Variants in GLCCI1 observed in about 807,000 individuals in gnomAD.
GLCCI1 encodes the protein glucocorticoid-induced transcript 1 protein.
In GLCCI1, 24 loss-of-function variants were observed where a neutral mutation model predicts 52.2. That is an observed-to-expected ratio of 0.46 (90% CI 0.33 to 0.65). The LOEUF (loss-of-function observed/expected upper bound fraction) is 0.65, where lower values mean the gene tolerates loss of function less well. Among genes scored for constraint, GLCCI1 ranks in the 30% least tolerant of loss-of-function variants. The pLI, the probability that GLCCI1 is intolerant of heterozygous loss-of-function variation, is 0.02. For synonymous variants in GLCCI1, 310 were observed against 276.5 expected (o/e 1.12, Z -1.20); for missense variants, 704 against 701.5 (o/e 1.00, Z -0.04).
chr7:7,987,798 G>C (rs777253113), intron 1 of GLCCI1, among the ~76,000 whole-genome samples: 2 of 152,038 alleles, frequency 1.3e-5, no homozygotes, highest in African/African-American at 2.4e-5. Flanking sequence ...GGGTTCCACT[G>C]TGTTGTTCAG....
At chr7:7,981,514 G>T (rs1780620048) in intron 1 of GLCCI1, 3 of 192,346 alleles carry the variant, frequency 1.6e-5, no homozygotes, top group African/African-American at 4.8e-5. Flanking sequence ...GTAAAGACAG[G>T]GTTTTGCCAT....
chr7:8,029,806 T>C (rs1781705983), intron 3 of GLCCI1, among the ~76,000 whole-genome samples: 1 of 152,126 alleles, frequency 6.6e-6, no homozygotes, highest in Non-Finnish European at 1.5e-5. Flanking sequence ...CCATTTACAA[T>C]AGACACAAAT....
intron 1 of GLCCI1, among the ~76,000 whole-genome samples, chr7:7,991,398 A>G (rs550683299): frequency 6.6e-6 from 1 of 152,210 alleles, no homozygotes; most frequent in South Asian, 2.1e-4. Context: ...AGGAAATAAG[A>G]ATGCAGATAA....
At chr7:8,029,036 G>C (rs1213781966) in intron 3 of GLCCI1, among the ~76,000 whole-genome samples, 1 of 152,048 alleles carries the variant, frequency 6.6e-6, no homozygotes, top group African/African-American at 2.4e-5. Context: ...AGAACACCTA[G>C]TACCAATCCT....
chr7:8,005,437 A>T (rs1328037844), intron 2 of GLCCI1, among the ~76,000 whole-genome samples: 1 of 152,170 alleles, frequency 6.6e-6, no homozygotes, highest in African/African-American at 2.4e-5. Flanking sequence ...TGTACCGTGT[A>T]CTGTTTGTTT....
chr7:8,026,144 C>A (rs562555228), intron 3 of GLCCI1, among the ~76,000 whole-genome samples: 4 of 152,080 alleles, frequency 2.6e-5, no homozygotes, highest in Admixed American at 6.5e-5. Flanking sequence ...AGGAAAAGGA[C>A]ATAAATTATA....
At chr7:8,047,953 T>A (rs931874144) in intron 3 of GLCCI1, among the ~76,000 whole-genome samples, 2 of 152,304 alleles carry the variant, frequency 1.3e-5, no homozygotes, top group East Asian at 3.9e-4. Flanking sequence ...TGCTGCTGGG[T>A]GACTTATCAT....
chr7:8,084,786 G>A (rs1228004920), intron 6 of GLCCI1, 111 bp from the exon 7 acceptor site: 2 of 1,055,898 alleles, frequency 1.9e-6, no homozygotes, highest in Non-Finnish European at 2.8e-6. Flanking sequence ...AAGGAGACTG[G>A]TCAAAGCATA....
intron 3 of GLCCI1, among the ~76,000 whole-genome samples, chr7:8,049,246 C>A (rs973670473): frequency 3.9e-5 from 6 of 151,932 alleles, no homozygotes; most frequent in Non-Finnish European, 8.8e-5. Flanking sequence ...GTAAGACTTC[C>A]CTTTAATAAA....
At chr7:8,070,723 T>G in intron 5 of GLCCI1, 198 bp from the exon 6 acceptor site, 1 of 548,694 alleles carries the variant, frequency 1.8e-6, no homozygotes, top group Non-Finnish European at 3.2e-6. Context: ...GCAAACAATT[T>G]GATTTAAAAG....
chr7:7,987,488 CT>C (rs1780758195), intron 1 of GLCCI1, among the ~76,000 whole-genome samples: 2 of 152,192 alleles, frequency 1.3e-5, no homozygotes, highest in East Asian at 3.8e-4. Flanking sequence ...TGTTCAGGAT[CT>C]CATTGCCCAC....
intron 2 of GLCCI1, among the ~76,000 whole-genome samples, chr7:8,015,117 G>GTT (rs1781350141): frequency 1.3e-5 from 2 of 152,196 alleles, no homozygotes; most frequent in African/African-American, 4.8e-5. Flanking sequence ...ATTCAATAAA[G>GTT]TTAACTAACT....
chr7:8,000,868 T>A (rs916317651), intron 1 of GLCCI1, among the ~76,000 whole-genome samples: 1 of 152,156 alleles, frequency 6.6e-6, no homozygotes, highest in Non-Finnish European at 1.5e-5. Flanking sequence ...AATCCCTGCT[T>A]TTTTTTGCTT....
At chr7:7,982,065 G>A (rs994951462) in intron 1 of GLCCI1, 13 of 467,590 alleles carry the variant, frequency 2.8e-5, no homozygotes, top group Admixed American at 1.2e-4. Context: ...AAGAGAGACC[G>A]AACTCAGAAC....
intron 3 of GLCCI1, among the ~76,000 whole-genome samples, chr7:8,051,181 T>A (rs535789715): frequency 1.3e-5 from 2 of 152,242 alleles, no homozygotes. Flanking sequence ...AAATTTCTAT[T>A]ATAGGAATAT....
chr7:8,021,427 T>A (rs1375418180), intron 2 of GLCCI1, among the ~76,000 whole-genome samples: 1 of 152,232 alleles, frequency 6.6e-6, no homozygotes, highest in African/African-American at 2.4e-5. Context: ...TTATTTTTTT[T>A]TTGAGACAGA....
In GLCCI1 at chr7:8,001,032, A is replaced by G. The variant is rs193028398; in HGVS notation, c.458-2876A>G. On this transcript the variant is annotated intron_variant, in intron 1 of 7. Transcript: ENST00000223145. ...GTCTTTTAATTGGGGCATTTAGCCC[A>G]TTTACATTTAAGGTTAATATTGTTA... is the stretch of plus-strand genomic sequence containing the variant. 2.2e-4 allele frequency among the ~76,000 whole-genome samples: 33 copies of G among 152,286 alleles called. No individual in the cohort carries two copies. In the East Asian group the frequency reaches 6.2e-3, roughly 28 times the overall value.
chr7:8,055,560 T>A lies in GLCCI1; in HGVS notation c.813+11T>A. 7.5e-6 allele frequency: 11 copies of A among 1,460,026 alleles called. No homozygotes were observed. The highest frequency in any genetic ancestry group is 1.1e-5 in the Non-Finnish European group (11 of 1,040,524). 90.4% of individuals were successfully genotyped at this position (1,460,026 alleles called of 1,614,324 possible). ...ATCAGTCACACTCAGGTAGGCTAAC[T>A]TCTTGTCCAGATTTGAATAATTACT... is the stretch of plus-strand genomic sequence containing the variant. On this transcript the variant is annotated intron_variant, in intron 4 of 7. Transcript: ENST00000223145.
intron 1 of GLCCI1, among the ~76,000 whole-genome samples, chr7:7,993,304 T>A (rs1251603132): frequency 6.6e-6 from 1 of 152,228 alleles, no homozygotes; most frequent in East Asian, 1.9e-4. Context: ...AAATTCTCGA[T>A]TCTGCTCTCT....
Sources: allele counts gnomAD v4.1 joint callset (sites outside exome capture counted in the v4.1 genomes callset), GRCh38; gene constraint gnomAD v4.1.1; transcripts MANE v1.5; gene names NCBI Gene and HGNC (gene_info 2026-07-23, HGNC 2026-07-21).